Variants in TSGA10IP observed in about 807,000 individuals in gnomAD.
TSGA10IP encodes the protein testis-specific protein 10-interacting protein.
In TSGA10IP, 64 loss-of-function variants were observed where a neutral mutation model predicts 63.2. That is an observed-to-expected ratio of 1.01 (90% confidence interval 0.83 to 1.25). TSGA10IP has a LOEUF of 1.25. Among genes scored for constraint, TSGA10IP ranks in the 50% most tolerant of loss-of-function variants. The probability of loss-of-function intolerance (pLI) is 0.00; values close to 1 mark genes in which losing one functional copy is unlikely to be tolerated. For missense variants in TSGA10IP, 681 were observed against 710.1 expected (o/e 0.96, Z 0.47); for synonymous variants, 316 against 298.3 (o/e 1.06, Z -0.61).
At chr11:65,946,007 C>T (rs1251602968) in intron 1 of TSGA10IP, 185 bp downstream of exon 1, 9 of 651,378 alleles carry the variant, frequency 1.4e-5, no homozygotes, top group South Asian at 6.0e-5. Flanking sequence ...CGAGGGATGA[C>T]GCCCAGGAGT....
exon 3 of TSGA10IP, chr11:65,947,787 T>C: frequency 6.3e-7 from 1 of 1,579,740 alleles, no homozygotes; most frequent in Non-Finnish European, 8.6e-7. Context: ...CCATGGGACC[T>C]GGAGAAGCTG....
exon 5 of TSGA10IP, chr11:65,953,710 C>T (rs781732276): frequency 4.5e-6 from 7 of 1,557,678 alleles, no homozygotes; most frequent in Admixed American, 3.8e-5. Flanking sequence ...GGCCCTGGGG[C>T]GGCCCAGCGC....
At chr11:65,952,765 C>G (rs751573299) in intron 4 of TSGA10IP, among the ~76,000 whole-genome samples, 1 of 150,880 alleles carries the variant, frequency 6.6e-6, no homozygotes, top group Non-Finnish European at 1.5e-5. Context: ...TGGGCTCAAG[C>G]GATCCACCTG....
intron 5 of TSGA10IP, among the ~76,000 whole-genome samples, chr11:65,956,055 A>G (rs962052136): frequency 4.0e-5 from 6 of 151,770 alleles, no homozygotes; most frequent in Non-Finnish European, 8.8e-5. Flanking sequence ...GTCCGTGGCA[A>G]GTGGGGTGAG....
Position 65,959,018 on chromosome 11 carries a change from CCT to C in TSGA10IP, c.1422+37_1422+38del, listed in dbSNP as rs760670447. The C allele has an allele frequency of 8.1e-6, 13 of 1,603,696 alleles. No individual in the cohort carries two copies. The Admixed American group carries it at 1.0e-4, about 12-fold the overall frequency. ...CACCTGGGCAAGCACATAGCTGCCCCCTGTGAAGAGCTGGCTGAGTGGGTAGG... is the reference window on the plus strand; with the variant it reads ...CACCTGGGCAAGCACATAGCTGCCCCGTGAAGAGCTGGCTGAGTGGGTAGG... On this transcript the variant is annotated intron_variant, in intron 6 of 7. Coordinates refer to ENST00000532620, the Ensembl canonical transcript of TSGA10IP.
intron 1 of TSGA10IP, 168 bp downstream of exon 1, chr11:65,945,990 G>T (rs1854824840): frequency 2.7e-6 from 2 of 744,058 alleles, no homozygotes; most frequent in African/African-American, 3.5e-5. Context: ...AGGGCCTTGG[G>T]AGAAGCCGAG....
At chr11:65,954,351 T>C (rs2134880882) in intron 5 of TSGA10IP, among the ~76,000 whole-genome samples, 1 of 150,130 alleles carries the variant, frequency 6.7e-6, no homozygotes, top group East Asian at 2.0e-4. Context: ...TTTTTTTGTA[T>C]TTTTAGTAGA....
At chr11:65,958,514 A>G (rs1425933025) in intron 5 of TSGA10IP, among the ~76,000 whole-genome samples, 4 of 152,156 alleles carry the variant, frequency 2.6e-5, no homozygotes, top group Non-Finnish European at 1.5e-5. Context: ...CTCAAGGGAA[A>G]GAGGATGGGG....
At chr11:65,956,168 G>A (rs1055010091) in intron 5 of TSGA10IP, among the ~76,000 whole-genome samples, 18 of 140,214 alleles carry the variant, frequency 1.3e-4, no homozygotes, top group Non-Finnish European at 2.4e-4. Flanking sequence ...ACAGAGTTTC[G>A]CTCTTGTTGC....
intron 3 of TSGA10IP, 52 bp downstream of exon 3, chr11:65,947,880 C>A: frequency 6.6e-7 from 1 of 1,513,238 alleles, no homozygotes; most frequent in Middle Eastern, 1.9e-4. Flanking sequence ...CCGCAGGGAA[C>A]AGGGAGCAGT....
chr11:65,959,764 T>C, intron 7 of TSGA10IP, 53 bp from the exon 8 acceptor site: 1 of 1,510,252 alleles, frequency 6.6e-7, no homozygotes, highest in Non-Finnish European at 8.9e-7. Context: ...GTGGTTTCCT[T>C]GGGCATGGGG....
intron 2 of TSGA10IP, 38 bp downstream of exon 2, chr11:65,947,054 G>A: frequency 1.9e-6 from 3 of 1,611,488 alleles, no homozygotes; most frequent in Admixed American, 1.7e-5. Context: ...GCTGTTGGGG[G>A]TCAGGGCCCT....
intron 4 of TSGA10IP, among the ~76,000 whole-genome samples, chr11:65,951,886 G>A (rs1180884957): frequency 6.7e-6 from 1 of 148,658 alleles, no homozygotes; most frequent in African/African-American, 2.5e-5. Flanking sequence ...GCCTCACTTC[G>A]TCACCCAGGA....
At chr11:65,953,618 C>G in exon 5 of TSGA10IP, 1 of 1,586,366 alleles carries the variant, frequency 6.3e-7, no homozygotes, top group South Asian at 1.1e-5. Context: ...GGCAGCAGGC[C>G]GAGCTGCGGC....
intron 5 of TSGA10IP, among the ~76,000 whole-genome samples, chr11:65,954,790 C>T (rs1854997798): frequency 1.3e-5 from 2 of 150,160 alleles, no homozygotes; most frequent in African/African-American, 5.0e-5. Flanking sequence ...TACACTCCAG[C>T]CTGGGCGACA....
intron 5 of TSGA10IP, among the ~76,000 whole-genome samples, chr11:65,954,571 G>T (rs1565308136): frequency 6.6e-6 from 1 of 152,014 alleles, no homozygotes; most frequent in Admixed American, 6.6e-5. Flanking sequence ...GGCCAGGTCA[G>T]GTTCTTCCCT....
chr11:65,945,799 TCGA>T (rs749528690), exon 1 of TSGA10IP: 6 of 1,613,930 alleles, frequency 3.7e-6, no homozygotes, highest in Non-Finnish European at 5.1e-6. Flanking sequence ...CAAGCTGCTG[TCGA>T]CCGTCTCTCA....
At chr11:65,953,504 T>C (rs1449222751) in intron 4 of TSGA10IP, 63 bp from the exon 5 acceptor site, 5 of 1,486,546 alleles carry the variant, frequency 3.4e-6, no homozygotes, top group Non-Finnish European at 4.5e-6. Context: ...ATCCAGCCCC[T>C]GGCCCTCCGT....
At chr11:65,949,136 C>A (rs1447648179) in intron 4 of TSGA10IP, among the ~76,000 whole-genome samples, 1 of 152,062 alleles carries the variant, frequency 6.6e-6, no homozygotes, top group South Asian at 2.1e-4. Context: ...CCCAGGAGAT[C>A]AAGGCTGCAG....
Sources: allele counts gnomAD v4.1 joint callset (sites outside exome capture counted in the v4.1 genomes callset), GRCh38; gene constraint gnomAD v4.1.1; transcripts MANE v1.5; gene names NCBI Gene and HGNC (gene_info 2026-07-23, HGNC 2026-07-21).